The following RUBCN variants were observed in gnomAD, a reference collection of about 807,000 sequenced individuals.
RUBCN encodes the protein run domain Beclin-1-interacting and cysteine-rich domain-containing protein.
In RUBCN, 74 loss-of-function variants were observed where a neutral mutation model predicts 113.2. The ratio of observed to expected loss-of-function variants is 0.65; its 90% CI spans 0.54 to 0.79. The LOEUF (loss-of-function observed/expected upper bound fraction) is 0.79, where lower values mean the gene tolerates loss of function less well. RUBCN is among the 30% of genes least tolerant of loss of function. RUBCN has a pLI of 0.00. For synonymous variants in RUBCN, 480 were observed against 490.0 expected (o/e 0.98, Z 0.27); for missense variants, 1,109 against 1,251.7 (o/e 0.89, Z 1.72).
intron 2 of RUBCN, among the ~76,000 whole-genome samples, chr3:197,716,895 A>G (rs751696787): frequency 1.3e-4 from 20 of 151,726 alleles, no homozygotes; most frequent in Non-Finnish European, 2.5e-4. Flanking sequence ...CTAAGGCAGG[A>G]GGGTCACTTG....
chr3:197,693,301 TC>T (rs1408849044), intron 11 of RUBCN, among the ~76,000 whole-genome samples: 1 of 152,176 alleles, frequency 6.6e-6, no homozygotes, highest in Non-Finnish European at 1.5e-5. Flanking sequence ...TCCTCTTTTG[TC>T]CCCCTGCCCC....
chr3:197,745,551 G>T (rs112942157), intron 1 of RUBCN, among the ~76,000 whole-genome samples: 1 of 151,908 alleles, frequency 6.6e-6, no homozygotes, highest in Non-Finnish European at 1.5e-5. Flanking sequence ...GGAGGCAGAG[G>T]TTGTGGTGAG....
chr3:197,695,758 T>C (rs892578967), intron 9 of RUBCN, 108 bp downstream of exon 9: 15 of 992,346 alleles, frequency 1.5e-5, no homozygotes, highest in African/African-American at 8.0e-5. Flanking sequence ...CGTGAACTTA[T>C]CTTTACTGTA....
chr3:197,731,673 C>A (rs1323955302), intron 1 of RUBCN, among the ~76,000 whole-genome samples: 2 of 151,522 alleles, frequency 1.3e-5, no homozygotes, highest in Non-Finnish European at 2.9e-5. Context: ...GGCAGAGGGG[C>A]TCCTCACTTC....
At chr3:197,729,097 G>C (rs945897292) in intron 1 of RUBCN, among the ~76,000 whole-genome samples, 1 of 147,160 alleles carries the variant, frequency 6.8e-6, no homozygotes, top group Admixed American at 6.8e-5. Context: ...AGTGAGCCGA[G>C]ATTGTGCTAC....
chr3:197,734,181 T>TTGAACCC (rs1560476245), intron 1 of RUBCN, among the ~76,000 whole-genome samples: 18 of 151,258 alleles, frequency 1.2e-4, no homozygotes, highest in African/African-American at 3.9e-4. Flanking sequence ...TGTTTGAACC[T>TTGAACCC]GGGAGGCAGA....
intron 2 of RUBCN, among the ~76,000 whole-genome samples, chr3:197,717,051 G>T (rs1328485690): frequency 6.6e-6 from 1 of 152,108 alleles, no homozygotes; most frequent in Non-Finnish European, 1.5e-5. Context: ...AACCCGGGAG[G>T]TCGAGGCTGC....
chr3:197,741,777 CGCACCACTGCACTCCAGAGATT>C (rs1553906226), upstream of RUBCN, among the ~76,000 whole-genome samples: 1 of 151,304 alleles, frequency 6.6e-6, no homozygotes, highest in Non-Finnish European at 1.5e-5. Flanking sequence ...GAGCTGAGAT[CGCACCACTGCACTCCAGAGATT>C]GCACCACTGC....
At chr3:197,709,333 A>AT (rs1384063982) in intron 2 of RUBCN, among the ~76,000 whole-genome samples, 1 of 152,070 alleles carries the variant, frequency 6.6e-6, no homozygotes, top group Non-Finnish European at 1.5e-5. Flanking sequence ...CCACCAACAG[A>AT]TGCTGTAAGA....
At position 197,736,822 on chromosome 3, in the gene RUBCN, G is replaced by A. The variant is rs1478846691; in HGVS notation, c.-103C>T. ...GGGGCCGGAGGAGGCACCTGCGGCC[G>A]GTGGGCTCCGGGTGATGCGCTACAC... is the stretch of plus-strand genomic sequence containing the variant. On this transcript the variant is annotated 5_prime_UTR_variant, in exon 1 of 20. Transcript: ENST00000296343. 3 of 1,432,234 alleles carry A rather than the reference G, an allele frequency of 2.1e-6. No individual in the cohort carries two copies. Among genetic ancestry groups the A allele is most frequent in the African/African-American group, 3.0e-5 (2 of 66,440 alleles). 88.7% of individuals were successfully genotyped at this position (1,432,234 alleles called of 1,614,324 possible).
In RUBCN at chr3:197,669,982, G is replaced by A. The variant is rs1053149587; in HGVS notation, c.*5036C>T. On this transcript the variant is annotated 3_prime_UTR_variant, in exon 20 of 20. Transcript: ENST00000296343. The stretch of plus-strand genomic sequence containing the variant: ...CGGCTCACTGCAACCTCCGCCACCC[G>A]GGTTCAAGCAATTCTCCTGTCTCAA... Among the ~76,000 whole-genome samples, 2 of 152,134 alleles carry A rather than the reference G, an allele frequency of 1.3e-5. No individual in the cohort carries two copies. The highest frequency in any genetic ancestry group is 1.9e-4 in the East Asian group (1 of 5,200).
In RUBCN at chr3:197,683,308, T is replaced by C; in HGVS notation, c.1979A>G (p.Lys660Arg). The change falls in exon 13 of 20, where the codon AAG becomes AGG. Residue 660 changes from lysine to arginine, a missense_variant and splice_region_variant. By Grantham distance (26) the Lys-to-Arg change is conservative. Coordinates refer to ENST00000296343, the MANE Select transcript of RUBCN (RefSeq NM_014687.4). The surrounding 1 kb of genome is among the most constrained non-coding windows in gnomAD (Gnocchi z 4.6). Reference protein sequence around the residue: ...WLVPEHDAPQKLLPIPDSLPI... With the variant: ...WLVPEHDAPQRLLPIPDSLPI... ...TAGGAAGAAGAGCTAAGGACCTACC[T>C]TCTGAGGGGCATCATGCTCCGGGAC... 1.2e-6 allele frequency: 2 copies of C among 1,614,114 alleles called. No individual in the cohort carries two copies.
intron 8 of RUBCN, among the ~76,000 whole-genome samples, chr3:197,696,714 C>T (rs1723045132): frequency 6.6e-6 from 1 of 152,098 alleles, no homozygotes; most frequent in Non-Finnish European, 1.5e-5. Flanking sequence ...GCCGACGTAC[C>T]CGGTGCGAAC....
chr3:197,738,784 G>A (rs1469899026), upstream of RUBCN, among the ~76,000 whole-genome samples: 2 of 151,518 alleles, frequency 1.3e-5, no homozygotes, highest in African/African-American at 2.4e-5. Context: ...TAGAGACAGG[G>A]TCTCACTGTG....
chr3:197,723,243 G>C (rs9856211), intron 1 of RUBCN, among the ~76,000 whole-genome samples: 1,672 of 152,250 alleles, frequency 0.011, 22 homozygotes, highest in African/African-American at 0.038. Flanking sequence ...GCAGTAGCAT[G>C]ATCTCAGCTC....
In RUBCN at chr3:197,670,798, G is replaced by A. The variant is rs181253415; in HGVS notation, c.*4220C>T. On this transcript the variant is annotated 3_prime_UTR_variant, in exon 20 of 20. Coordinates refer to ENST00000296343, the MANE Select transcript of RUBCN (RefSeq NM_014687.4). ...GTCCCTGGCAAGGAAAGAGCTGGCA[G>A]TTTAATAATAAAGTGACTGAAGGAC... is the stretch of plus-strand genomic sequence containing the variant. 7.9e-5 allele frequency among the ~76,000 whole-genome samples: 12 copies of A among 152,334 alleles called. No homozygotes were observed. The highest frequency in any genetic ancestry group is 3.3e-4 in the Admixed American group (5 of 15,304).
At chr3:197,719,997 A>G (rs1489781672) in intron 1 of RUBCN, among the ~76,000 whole-genome samples, 1 of 152,180 alleles carries the variant, frequency 6.6e-6, no homozygotes, top group Non-Finnish European at 1.5e-5. Flanking sequence ...AACCCTCGTC[A>G]TCTTACTGTG....
At position 197,703,571 on chromosome 3, in the gene RUBCN, G is replaced by C. The variant is rs757167991; in HGVS notation, c.547C>G (p.Leu183Val). The C allele has an allele frequency of 3.7e-6, 6 of 1,613,322 alleles. 1 individual carries two copies. In the East Asian group the frequency reaches 8.9e-5, roughly 24 times the overall value. Residue 183 changes from leucine to valine, a missense_variant, in exon 5 of 20, where the codon CTG becomes GTG. Coordinates refer to ENST00000296343, the MANE Select transcript of RUBCN (RefSeq NM_014687.4). ...ACCATGGACGCATCGATCTGAGCCAGGAGGCGGGGGTTGTTCTGTTCCACT... is the reference window on the plus strand; with the variant it reads ...ACCATGGACGCATCGATCTGAGCCACGAGGCGGGGGTTGTTCTGTTCCACT... The part of the protein sequence containing the change: ...EAVEQNNPRL[L>V]AQIDASMFAR...
In RUBCN at chr3:197,701,052, T is replaced by A. The variant is rs191663566; in HGVS notation, c.822A>T (p.Gln274His). ...HVSPAEDQTIQAPPVSVSALA... is the reference protein window; with the variant it reads ...HVSPAEDQTIHAPPVSVSALA... ...GTGCAGAGACTGAAACTGGGGGGGC[T>A]TGGATGGTTTGATCCTCTGCTGGTG... Residue 274 changes from glutamine (Q) to histidine (H), a missense_variant, in exon 7 of 20, where the codon CAA becomes CAT. Coordinates refer to ENST00000296343, the MANE Select transcript of RUBCN (RefSeq NM_014687.4). 4 of 1,613,382 alleles carry A rather than the reference T, an allele frequency of 2.5e-6. No homozygotes were observed. The African/African-American group carries it at 5.3e-5, about 22-fold the overall frequency.
Sources: gnomAD v4.1 joint callset for allele counts (sites outside exome capture counted in the v4.1 genomes callset) on GRCh38, gnomAD v4.1.1 for gene constraint, Gnocchi (gnomAD v3.1) non-coding constraint, MANE v1.5 for transcripts, NCBI Gene and HGNC (gene_info 2026-07-23, HGNC 2026-07-21) for gene names.